SNTG2: variants seen among roughly 807,000 people sequenced by gnomAD.
SNTG2 encodes syntrophin gamma 2, also known as gamma-2-syntrophin.
SNTG2 carries 74 observed loss-of-function variants against 70.9 expected under a neutral mutation model. The ratio of observed to expected loss-of-function variants is 1.04; its 90% CI spans 0.86 to 1.27. The LOEUF (loss-of-function observed/expected upper bound fraction) is 1.27. Ranked by LOEUF, SNTG2 falls within the 50% of genes most tolerant of loss-of-function variation. SNTG2 has a pLI of 0.00. For synonymous variants in SNTG2, 278 were observed against 273.8 expected, an observed-to-expected ratio of 1.02 and a Z score of -0.15; for missense variants, 717 against 690.7, an observed-to-expected ratio of 1.04 and a Z score of -0.43.
chr2:1,319,251 G>T (rs1572976181), intron 16 of SNTG2, among the ~76,000 whole-genome samples: 1 of 152,194 alleles, frequency 6.6e-6, no homozygotes, highest in South Asian at 2.1e-4. Flanking sequence ...TATTTCCATC[G>T]TGGGTTGGTG....
intron 6 of SNTG2, among the ~76,000 whole-genome samples, chr2:1,144,244 G>C (rs1370672469): frequency 1.3e-5 from 2 of 152,132 alleles, no homozygotes; most frequent in East Asian, 3.9e-4. Flanking sequence ...GAGGGTTGCT[G>C]AGTTGACAAC....
At chr2:1,090,715 G>A (rs1307618794) in intron 2 of SNTG2, among the ~76,000 whole-genome samples, 3 of 152,104 alleles carry the variant, frequency 2.0e-5, no homozygotes, top group Non-Finnish European at 2.9e-5. Flanking sequence ...GTACAGGGCC[G>A]GCCAGCATTT....
At chr2:1,303,243 G>A (rs1680534921) in intron 14 of SNTG2, among the ~76,000 whole-genome samples, 1 of 152,086 alleles carries the variant, frequency 6.6e-6, no homozygotes, top group African/African-American at 2.4e-5. Flanking sequence ...GCCATATCTG[G>A]GGGCATAAAC....
rs575655678 is a variant in SNTG2, at chr2:1,149,860, T to C, written c.411+12051T>C. ...CCGCCACCGCGCCTGGCTAATTTTTTTGTATTTTTAGTAGAGACGGGGTTT... is the reference window on the plus strand; with the variant it reads ...CCGCCACCGCGCCTGGCTAATTTTTCTGTATTTTTAGTAGAGACGGGGTTT... On this transcript the variant is annotated intron_variant, in intron 6 of 16. Transcript: ENST00000308624. 3.4e-5 allele frequency among the ~76,000 whole-genome samples: 5 copies of C among 148,816 alleles called. No homozygotes were observed. The East Asian group carries it at 1.1e-3, about 33-fold the overall frequency.
At chr2:1,266,510 G>A (rs918960545) in intron 13 of SNTG2, among the ~76,000 whole-genome samples, 1 of 152,152 alleles carries the variant, frequency 6.6e-6, no homozygotes, top group African/African-American at 2.4e-5. Flanking sequence ...CCTTTGTCAG[G>A]CCTTTGGGTT....
At chr2:963,108 TCA>T (rs1660407370) in intron 1 of SNTG2, among the ~76,000 whole-genome samples, 1 of 152,142 alleles carries the variant, frequency 6.6e-6, no homozygotes, top group South Asian at 2.1e-4. Context: ...TCTTCATTAA[TCA>T]TCAGACTATG....
chr2:1,152,722 T>C (rs76427130), intron 6 of SNTG2, among the ~76,000 whole-genome samples: 13,036 of 152,288 alleles, frequency 0.086, 944 homozygotes, highest in African/African-American at 0.2. Flanking sequence ...ATTTTCTTTT[T>C]CCTCAGAGAA....
At chr2:1,333,098 G>T (rs936182354) in intron 16 of SNTG2, among the ~76,000 whole-genome samples, 3 of 152,164 alleles carry the variant, frequency 2.0e-5, no homozygotes, top group Non-Finnish European at 2.9e-5. Context: ...AATGAATCAT[G>T]TAAAGTCTCA....
intron 6 of SNTG2, among the ~76,000 whole-genome samples, chr2:1,157,134 G>C (rs1322085767): frequency 6.6e-6 from 1 of 152,166 alleles, no homozygotes; most frequent in Non-Finnish European, 1.5e-5. Context: ...GCTTCTTCCT[G>C]ACTCGGCCCC....
chr2:990,908 C>T (rs1390726920), intron 1 of SNTG2, among the ~76,000 whole-genome samples: 1 of 151,140 alleles, frequency 6.6e-6, no homozygotes, highest in Non-Finnish European at 1.5e-5. Flanking sequence ...TAGTCATTAA[C>T]TCTTTATTTT....
chr2:1,323,643 C>T (rs994067197), intron 16 of SNTG2, among the ~76,000 whole-genome samples: 1 of 151,336 alleles, frequency 6.6e-6, no homozygotes, highest in African/African-American at 2.4e-5. Flanking sequence ...TAAGACCCCC[C>T]AGTAGACTGG....
chr2:1,230,709 C>T (rs370619199), intron 9 of SNTG2, among the ~76,000 whole-genome samples: 12 of 152,352 alleles, frequency 7.9e-5, no homozygotes, highest in East Asian at 1.9e-4. Context: ...CAGCGTGGGG[C>T]GCCAGACATT....
At chr2:1,239,415 C>T (rs1015244324) in intron 10 of SNTG2, among the ~76,000 whole-genome samples, 1 of 152,226 alleles carries the variant, frequency 6.6e-6, no homozygotes, top group Non-Finnish European at 1.5e-5. Flanking sequence ...CACAGTAATA[C>T]TGACTCTCAC....
chr2:1,041,432 T>A (rs1224572738), intron 1 of SNTG2, among the ~76,000 whole-genome samples: 1 of 152,218 alleles, frequency 6.6e-6, no homozygotes, highest in Non-Finnish European at 1.5e-5. Flanking sequence ...CTCAGTACAG[T>A]TTATTTTTAT....
chr2:1,349,820 C>T (rs1660485639), intron 16 of SNTG2, among the ~76,000 whole-genome samples: 1 of 152,138 alleles, frequency 6.6e-6, no homozygotes, highest in Non-Finnish European at 1.5e-5. Flanking sequence ...GTTTGTTCAT[C>T]GTGAACCTGG....
At chr2:1,291,377 T>C (rs1387980978) in intron 14 of SNTG2, among the ~76,000 whole-genome samples, 1 of 152,216 alleles carries the variant, frequency 6.6e-6, no homozygotes, top group African/African-American at 2.4e-5. Flanking sequence ...TGTCTATTTT[T>C]TTGGTTGCCT....
intron 8 of SNTG2, among the ~76,000 whole-genome samples, chr2:1,176,993 G>A (rs1462462193): frequency 2.0e-5 from 3 of 152,112 alleles, no homozygotes; most frequent in Admixed American, 6.5e-5. Context: ...TATACCCAAA[G>A]GAATGCAAAT....
intron 4 of SNTG2, among the ~76,000 whole-genome samples, chr2:1,104,828 C>T (rs533239704): frequency 4.1e-4 from 62 of 152,184 alleles, no homozygotes; most frequent in Middle Eastern, 3.2e-3. Flanking sequence ...TCCGTCCTCC[C>T]GTGGCACCAT....
chr2:1,206,073 AC>A (rs1194007549), intron 8 of SNTG2, among the ~76,000 whole-genome samples: 1 of 152,204 alleles, frequency 6.6e-6, no homozygotes, highest in Non-Finnish European at 1.5e-5. Flanking sequence ...CAGCAAGATT[AC>A]AAAAAGCTGA....
Sources: gnomAD v4.1 joint callset for allele counts (sites outside exome capture counted in the v4.1 genomes callset) on GRCh38, gnomAD v4.1.1 for gene constraint, MANE v1.5 for transcripts, NCBI Gene and HGNC (gene_info 2026-07-23, HGNC 2026-07-21) for gene names.